Variants in PDLIM5 observed in about 807,000 individuals in gnomAD.
PDLIM5 encodes PDZ and LIM domain protein 5.
A neutral mutation model predicts 64.2 loss-of-function variants in PDLIM5; 34 were observed. The ratio of observed to expected loss-of-function variants is 0.53; its 90% CI spans 0.40 to 0.71. The LOEUF is 0.71. Among genes scored for constraint, PDLIM5 ranks in the 30% least tolerant of loss-of-function variants. The probability of loss-of-function intolerance (pLI) is 0.00; values close to 1 mark genes in which losing one functional copy is unlikely to be tolerated. For synonymous variants in PDLIM5, 253 were observed against 269.1 expected (o/e 0.94, Z 0.59); for missense variants, 683 against 733.6 (o/e 0.93, Z 0.80).
chr4:94,523,100 A>T (rs1353444497), intron 2 of PDLIM5, among the ~76,000 whole-genome samples: 1 of 152,202 alleles, frequency 6.6e-6, no homozygotes, highest in East Asian at 1.9e-4. Flanking sequence ...AAGGACTGTG[A>T]CATGCACAAA....
At position 94,657,460 on chromosome 4, in the gene PDLIM5, G is replaced by A; in HGVS notation, c.1498G>A (p.Val500Ile). ...VISALKQTWH[V>I]SCFVCVACGK... ...CAGTGCGTTGAAACAAACTTGGCATGTTTCCTGTTTTGTGTGTGTAGCCTG... is the reference window on the plus strand; with the variant it reads ...CAGTGCGTTGAAACAAACTTGGCATATTTCCTGTTTTGTGTGTGTAGCCTG... Residue 500 changes from valine to isoleucine, a missense_variant, in exon 11 of 13, where the codon GTT becomes ATT. Transcript: ENST00000317968. 1 of 1,605,224 alleles carries A rather than the reference G, an allele frequency of 6.2e-7. No homozygotes were observed. The highest frequency in any genetic ancestry group is 8.5e-7 in the Non-Finnish European group (1 of 1,172,156).
At chr4:94,580,603 A>C (rs1735650239) in intron 5 of PDLIM5, among the ~76,000 whole-genome samples, 1 of 151,632 alleles carries the variant, frequency 6.6e-6, no homozygotes, top group African/African-American at 2.4e-5. Flanking sequence ...GTTAGATAGA[A>C]TTTTTTTTTA....
chr4:94,632,052 G>A (rs1740193831), intron 8 of PDLIM5, among the ~76,000 whole-genome samples: 1 of 152,254 alleles, frequency 6.6e-6, no homozygotes, highest in Non-Finnish European at 1.5e-5. Flanking sequence ...CACACGCATA[G>A]CGTAGCGCCT....
chr4:94,475,081 A>G (rs1032513414), intron 2 of PDLIM5, among the ~76,000 whole-genome samples: 2 of 151,874 alleles, frequency 1.3e-5, no homozygotes, highest in African/African-American at 4.8e-5. Flanking sequence ...AAGTTATCCC[A>G]CTGAAAAGTT....
chr4:94,508,431 G>A (rs1330063983), intron 2 of PDLIM5, among the ~76,000 whole-genome samples: 1 of 152,224 alleles, frequency 6.6e-6, no homozygotes, highest in Non-Finnish European at 1.5e-5. Context: ...TCCCTTGGAG[G>A]TCAGAAACTT....
At chr4:94,591,625 A>G (rs952857763) in intron 7 of PDLIM5, among the ~76,000 whole-genome samples, 1 of 152,202 alleles carries the variant, frequency 6.6e-6, no homozygotes, top group Non-Finnish European at 1.5e-5. Flanking sequence ...AGAGGGAAGT[A>G]AAAAACCTGG....
intron 3 of PDLIM5, among the ~76,000 whole-genome samples, chr4:94,569,292 C>T (rs1734598633): frequency 6.6e-6 from 1 of 151,946 alleles, no homozygotes; most frequent in African/African-American, 2.4e-5. Flanking sequence ...GGATGAATGA[C>T]TTGATAAAGT....
At chr4:94,613,942 G>A (rs1173322128) in intron 7 of PDLIM5, among the ~76,000 whole-genome samples, 2 of 150,264 alleles carry the variant, frequency 1.3e-5, no homozygotes, top group African/African-American at 4.9e-5. Flanking sequence ...AAAATAATAT[G>A]GCCAGTGACT....
intron 8 of PDLIM5, among the ~76,000 whole-genome samples, chr4:94,625,203 G>A (rs1262419758): frequency 1.3e-5 from 2 of 152,096 alleles, no homozygotes; most frequent in Non-Finnish European, 2.9e-5. Context: ...CACCCGTGGA[G>A]GATTGTATTC....
intron 3 of PDLIM5, among the ~76,000 whole-genome samples, chr4:94,559,332 T>C (rs553693697): frequency 4.6e-5 from 7 of 152,330 alleles, no homozygotes; most frequent in Admixed American, 3.9e-4. Context: ...ACAAGGCTGC[T>C]CTGTTGCCAA....
At chr4:94,473,254 T>C (rs1725033705) in intron 2 of PDLIM5, among the ~76,000 whole-genome samples, 1 of 151,986 alleles carries the variant, frequency 6.6e-6, no homozygotes. Flanking sequence ...TAAGAGGTGA[T>C]TTTATTTTTT....
intron 3 of PDLIM5, among the ~76,000 whole-genome samples, chr4:94,538,924 GGA>G (rs1236499269): frequency 6.6e-6 from 1 of 152,136 alleles, no homozygotes; most frequent in Non-Finnish European, 1.5e-5. Flanking sequence ...GATGATGGTA[GGA>G]GAGAGCAGAG....
intron 3 of PDLIM5, among the ~76,000 whole-genome samples, chr4:94,552,456 TAG>T (rs1732892796): frequency 6.6e-6 from 1 of 152,144 alleles, no homozygotes; most frequent in Non-Finnish European, 1.5e-5. Context: ...ATGTGAGATT[TAG>T]AGTCTTTTTA....
intron 3 of PDLIM5, among the ~76,000 whole-genome samples, chr4:94,529,614 G>A (rs1730677560): frequency 6.6e-6 from 1 of 151,970 alleles, no homozygotes; most frequent in Admixed American, 6.6e-5. Flanking sequence ...ACTTTAATTT[G>A]GGGGCATATA....
intron 8 of PDLIM5, among the ~76,000 whole-genome samples, chr4:94,637,356 C>T (rs903612452): frequency 6.6e-6 from 1 of 151,978 alleles, no homozygotes; most frequent in African/African-American, 2.4e-5. Flanking sequence ...GTCAGGAGTT[C>T]GAGACCAGCC....
chr4:94,648,558 C>G (rs934360405), intron 9 of PDLIM5, among the ~76,000 whole-genome samples: 1 of 152,190 alleles, frequency 6.6e-6, no homozygotes. Flanking sequence ...TCTCGGCCTC[C>G]CAAAATGCTG....
At chr4:94,471,999 A>G (rs932697711) in intron 2 of PDLIM5, among the ~76,000 whole-genome samples, 6 of 152,028 alleles carry the variant, frequency 3.9e-5, no homozygotes, top group African/African-American at 1.2e-4. Flanking sequence ...AGTATTTACT[A>G]GTAATAGGGA....
chr4:94,584,214 C>CT lies in PDLIM5; in HGVS notation c.711-1350dup. ...TGTACTCGTATCTTGTGCCAGTAGT[C>CT]TGCTAGTCCAGATTCATGTTCCTTT... On this transcript the variant is annotated intron_variant, in intron 5 of 12. Transcript: ENST00000317968. 1.3e-5 allele frequency among the ~76,000 whole-genome samples: 2 copies of CT among 152,332 alleles called. 1 individual carries two copies. Among genetic ancestry groups the CT allele is most frequent in the Non-Finnish European group, 2.9e-5 (2 of 68,024 alleles).
chr4:94,639,115 A>G (rs1740799370), intron 8 of PDLIM5, among the ~76,000 whole-genome samples: 1 of 152,190 alleles, frequency 6.6e-6, no homozygotes, highest in African/African-American at 2.4e-5. Flanking sequence ...CTAGGTAAAT[A>G]GGAAGAAGGG....
Sources: gnomAD v4.1 joint callset for allele counts (sites outside exome capture counted in the v4.1 genomes callset) on GRCh38, gnomAD v4.1.1 for gene constraint, MANE v1.5 for transcripts, NCBI Gene and HGNC (gene_info 2026-07-23, HGNC 2026-07-21) for gene names.